The following RYR1 variants were observed in gnomAD, a reference collection of about 807,000 sequenced individuals.
The protein encoded by RYR1 is ryanodine receptor 1, also known as central core disease of muscle.
RYR1 carries 342 observed loss-of-function variants against 583.5 expected under a neutral mutation model. The ratio of observed to expected loss-of-function variants is 0.59; its 90% CI spans 0.54 to 0.64. The LOEUF is 0.64. RYR1 is among the 30% of genes least tolerant of loss of function. The pLI is 0.00. For synonymous variants in RYR1, 2,791 were observed against 2,822.5 expected, an observed-to-expected ratio of 0.99 and a Z score of 0.35; for missense variants, 6,032 against 6,917.2, an observed-to-expected ratio of 0.87 and a Z score of 4.54.
chr19:38,485,651 C>G lies in RYR1; in HGVS notation c.4996C>G (p.Leu1666Val). Residue 1666 changes from leucine to valine, a missense_variant, in exon 34 of 106, where the codon CTG (leucine) becomes GTG (valine). By Grantham distance (32) the Leu-to-Val change is conservative. Around this residue, in one of 11 missense-constraint regions of RYR1, gnomAD observed 2,627 missense variants for 2,961.3 expected, o/e 0.89. Transcript: ENST00000359596. ...LDLQRFHSHT[L>V]RLYRAVCALG... ...CCTGCAGCGCTTCCACTCGCACACC[C>G]TGCGCCTCTACCGCGCTGTGTGCGC... 2 of 1,610,802 alleles carry G rather than the reference C, an allele frequency of 1.2e-6. No homozygotes were observed. The highest frequency in any genetic ancestry group is 1.7e-6 in the Non-Finnish European group (2 of 1,179,940).
At chr19:38,479,520 G>A (rs185769688) in intron 31 of RYR1, among the ~76,000 whole-genome samples, 132 of 151,460 alleles carry the variant, frequency 8.7e-4, no homozygotes, top group African/African-American at 3.1e-3. Context: ...CAATCCTTCT[G>A]TCTCAGCTTC....
At chr19:38,507,895 C>T in intron 58 of RYR1, 68 bp downstream of exon 58, 1 of 907,542 alleles carries the variant, frequency 1.1e-6, no homozygotes, top group Non-Finnish European at 1.9e-6. Context: ...ACCAGACTCA[C>T]CTAGGACACC....
chr19:38,586,314 C>T (rs923518308), intron 104 of RYR1, 123 bp downstream of exon 104: 17 of 1,131,220 alleles, frequency 1.5e-5, no homozygotes, highest in Non-Finnish European at 1.8e-5. Context: ...AGATTCCCTG[C>T]CAGCCAATCA....
Position 38,475,501 on chromosome 19 carries a change from C to T in RYR1, c.4293+51C>T, listed in dbSNP as rs370288141. Reference sequence around the variant, plus strand: ...GGGGTCCCCCCGCATAGCATAGGCACTCCTGAATTTCCAAGTTTAGTGTGA... The same window carrying T: ...GGGGTCCCCCCGCATAGCATAGGCATTCCTGAATTTCCAAGTTTAGTGTGA... On this transcript the variant is annotated intron_variant, in intron 29 of 105. Coordinates refer to ENST00000359596, the MANE Select transcript of RYR1 (RefSeq NM_000540.3). 27 of 1,609,184 alleles carry T rather than the reference C, an allele frequency of 1.7e-5. No homozygotes were observed. In the African/African-American group the frequency reaches 2.7e-4, roughly 16 times the overall value.
intron 47 of RYR1, among the ~76,000 whole-genome samples, chr19:38,501,535 T>C (rs1970121006): frequency 6.6e-6 from 1 of 152,140 alleles, no homozygotes; most frequent in Non-Finnish European, 1.5e-5. Flanking sequence ...TTTGGTACTG[T>C]GGGCACACAG....
intron 27 of RYR1, among the ~76,000 whole-genome samples, chr19:38,472,822 C>CAAG (rs1277377957): frequency 1.5e-5 from 2 of 130,926 alleles, no homozygotes; most frequent in Non-Finnish European, 3.1e-5. Flanking sequence ...GGTGACAGAG[C>CAAG]AAGACTCTTG....
chr19:38,558,232 G>T (rs1357584945), intron 89 of RYR1, among the ~76,000 whole-genome samples: 1 of 152,040 alleles, frequency 6.6e-6, no homozygotes, highest in African/African-American at 2.4e-5. Flanking sequence ...GATCACTTGA[G>T]CCCAGGAGGT....
intron 66 of RYR1, among the ~76,000 whole-genome samples, chr19:38,518,883 C>T (rs951256646): frequency 3.3e-5 from 5 of 151,192 alleles, no homozygotes; most frequent in Admixed American, 6.6e-5. Flanking sequence ...GCCAAGATTG[C>T]GCCATTGCAC....
In RYR1 at chr19:38,535,376, C is replaced by G. The variant is rs757917180; in HGVS notation, c.11500C>G (p.Leu3834Val). 2 of 1,614,000 alleles carry G rather than the reference C, an allele frequency of 1.2e-6. No homozygotes were observed. The highest frequency in any genetic ancestry group is 2.2e-5 in the South Asian group (2 of 91,072). Residue 3834 changes from leucine (L) to valine (V), a missense_variant, in exon 81 of 106, where the codon CTG becomes GTG. Transcript: ENST00000359596. ...EVGFFQSIQA[L>V]MQTCSVLDLN... Reference sequence around the variant, plus strand: ...TGGCTTCTTCCAGAGTATCCAGGCACTGATGCAAACATGCAGGTAGGTTCG... The same window carrying G: ...TGGCTTCTTCCAGAGTATCCAGGCAGTGATGCAAACATGCAGGTAGGTTCG...
intron 88 of RYR1, 25 bp downstream of exon 88, chr19:38,546,551 G>A: frequency 6.3e-7 from 1 of 1,598,148 alleles, no homozygotes; most frequent in Non-Finnish European, 8.6e-7. Context: ...GTGAGGGTGA[G>A]GGAACAGTAA....
At chr19:38,572,508 C>T (rs1418447614) in intron 95 of RYR1, among the ~76,000 whole-genome samples, 2 of 152,130 alleles carry the variant, frequency 1.3e-5, no homozygotes, top group Admixed American at 6.5e-5. Context: ...GCTGAGGAAC[C>T]AGGTTCTGGA....
rs1970725838 is a variant in RYR1, at chr19:38,511,546, T to C, written c.9123-15T>C. The C allele has an allele frequency of 6.2e-7, 1 of 1,613,562 alleles. No individual in the cohort carries two copies. The highest frequency in any genetic ancestry group is 1.7e-5 in the Admixed American group (1 of 59,986). On this transcript the variant is annotated splice_polypyrimidine_tract_variant and intron_variant, in intron 60 of 105. Coordinates refer to ENST00000359596, the MANE Select transcript of RYR1 (RefSeq NM_000540.3). ...CGCTGTTTCTCCTGCCTTCTGTCCC[T>C]TTCTCTTTCTTCAGCCTCTTCTGCA...
intron 9 of RYR1, among the ~76,000 whole-genome samples, chr19:38,447,464 C>G (rs542953553): frequency 1.3e-5 from 2 of 152,190 alleles, no homozygotes; most frequent in Admixed American, 1.3e-4. Context: ...TCCCTTGAAC[C>G]CAGGAGGTGG....
At chr19:38,586,658 G>A in intron 105 of RYR1, 82 bp downstream of exon 105, 4 of 1,340,070 alleles carry the variant, frequency 3.0e-6, no homozygotes, top group Non-Finnish European at 4.3e-6. Flanking sequence ...GCAGTAAAAA[G>A]CTCCTATCAA....
chr19:38,492,624 G>A lies in RYR1; in HGVS notation c.6262G>A (p.Glu2088Lys), dbSNP rs587784378. 64 of 1,592,244 alleles carry A rather than the reference G, an allele frequency of 4.0e-5. No individual in the cohort carries two copies. In the South Asian group the frequency reaches 6.4e-4, roughly 16 times the overall value. ...EKPEEERSAEESKPRSLQELV... is the reference protein window; with the variant it reads ...EKPEEERSAEKSKPRSLQELV... ...ACCTGAGGAGGAGCGGTCAGCAGAGGAGAGCAAACCCCGTGAGGACTGGGG... is the reference window on the plus strand; with the variant it reads ...ACCTGAGGAGGAGCGGTCAGCAGAGAAGAGCAAACCCCGTGAGGACTGGGG... Residue 2088 changes from glutamate (E) to lysine (K), a missense_variant, in exon 38 of 106, where the codon GAG (glutamate) becomes AAG (lysine). Glu to Lys is a moderately conservative substitution (Grantham distance 56). This residue lies in a region of RYR1 where 2,627 missense variants were observed against 2,961.3 expected (regional missense o/e 0.89). Transcript: ENST00000359596.
intron 49 of RYR1, among the ~76,000 whole-genome samples, chr19:38,503,368 C>T (rs965696630): frequency 2.6e-5 from 4 of 152,122 alleles, no homozygotes; most frequent in Non-Finnish European, 2.9e-5. Flanking sequence ...TGAATATTTG[C>T]ACACTGTCTC....
At chr19:38,482,606 A>G (rs1312946076) in intron 31 of RYR1, among the ~76,000 whole-genome samples, 2 of 152,056 alleles carry the variant, frequency 1.3e-5, no homozygotes, top group Non-Finnish European at 2.9e-5. Flanking sequence ...ATGGACCGCC[A>G]TGCCTCGCTA....
rs1972278164 is a variant in RYR1 at position 38,543,288 on chromosome 19, A to G, written c.11690-59A>G. The G allele has an allele frequency of 7.0e-7, 1 of 1,426,620 alleles. No homozygotes were observed. Among genetic ancestry groups the G allele is most frequent in the Non-Finnish European group, 9.9e-7 (1 of 1,009,144 alleles). The allele number at this position is 1,426,620 out of a possible 1,614,324, so 88.4% of individuals were successfully genotyped here. ...TATTGCATAAATGAATAAATGACCC[A>G]CTGTTCATCTCCCCTAGCACATGGG... On this transcript the variant is annotated intron_variant, in intron 84 of 105. Transcript: ENST00000359596. The surrounding 1 kb of genome is among the most constrained non-coding windows in gnomAD (Gnocchi z 4.4).
chr19:38,439,098 A>G (rs1001521676), intron 1 of RYR1, among the ~76,000 whole-genome samples: 4 of 152,164 alleles, frequency 2.6e-5, no homozygotes, highest in South Asian at 4.1e-4. Context: ...CAGATGCTCA[A>G]CCAAAGTCTG....
Sources: gnomAD v4.1 joint callset for allele counts (sites outside exome capture counted in the v4.1 genomes callset) on GRCh38, gnomAD v4.1.1 for gene constraint, gnomAD v4.1.1 regional missense constraint, Gnocchi (gnomAD v3.1) non-coding constraint, MANE v1.5 for transcripts, NCBI Gene and HGNC (gene_info 2026-07-23, HGNC 2026-07-21) for gene names.